PDE4A: variants seen among roughly 807,000 people sequenced by gnomAD.
The protein encoded by PDE4A is phosphodiesterase 4A.
PDE4A carries 21 observed loss-of-function variants against 73.9 expected under a neutral mutation model. The ratio of observed to expected loss-of-function variants is 0.28; its 90% confidence interval spans 0.20 to 0.41. The LOEUF (loss-of-function observed/expected upper bound fraction) is 0.41. PDE4A is among the 10% of genes least tolerant of loss of function. PDE4A has a pLI of 1.00. For missense variants in PDE4A, 958 were observed against 1,211.4 expected, an observed-to-expected ratio of 0.79 and a Z score of 3.10; for synonymous variants, 463 against 505.4, an observed-to-expected ratio of 0.92 and a Z score of 1.13.
At chr19:10,432,489 C>A in intron 1 of PDE4A, 1 of 1,512,274 alleles carries the variant, frequency 6.6e-7, no homozygotes, top group Non-Finnish European at 8.8e-7. Flanking sequence ...CCTGGCACTG[C>A]CCCCCACGGG....
At chr19:10,464,829 A>T (rs912050317) in intron 14 of PDE4A, among the ~76,000 whole-genome samples, 3 of 147,826 alleles carry the variant, frequency 2.0e-5, no homozygotes, top group Non-Finnish European at 3.0e-5. Flanking sequence ...ATGATCCTCC[A>T]CCCCCGCCTC....
chr19:10,434,193 C>A (rs1431106023), intron 1 of PDE4A, among the ~76,000 whole-genome samples: 1 of 150,780 alleles, frequency 6.6e-6, no homozygotes, highest in Non-Finnish European at 1.5e-5. Flanking sequence ...TTCCTTCTTT[C>A]CTTCTTTCTC....
intron 8 of PDE4A, 45 bp from the exon 9 acceptor site, chr19:10,459,355 C>T (rs201192417): frequency 1.2e-6 from 2 of 1,613,906 alleles, no homozygotes; most frequent in South Asian, 2.2e-5. Context: ...TCTCCAGGGC[C>T]CTGAGCCTTA....
At chr19:10,446,901 C>CTTTTTTTCTCTTTTTTTTTTT (rs1939804348) in intron 2 of PDE4A, among the ~76,000 whole-genome samples, 2 of 145,496 alleles carry the variant, frequency 1.4e-5, no homozygotes, top group African/African-American at 2.5e-5. Context: ...GCCTCAGTTC[C>CTTTTTTTCTCTTTTTTTTTTT]TTTTTTTTTT....
chr19:10,460,198 TAA>T (rs886564156), intron 10 of PDE4A, among the ~76,000 whole-genome samples: 2 of 142,728 alleles, frequency 1.4e-5, no homozygotes, highest in South Asian at 2.3e-4. Flanking sequence ...TCTTATTTCT[TAA>T]AAAAAAAAAA....
chr19:10,443,502 G>A (rs1379561533), intron 1 of PDE4A, among the ~76,000 whole-genome samples: 1 of 149,072 alleles, frequency 6.7e-6, no homozygotes, highest in Non-Finnish European at 1.5e-5. Flanking sequence ...CTGAGATTGT[G>A]CCATTGCACT....
chr19:10,458,645 G>T lies in PDE4A; in HGVS notation c.1101+543G>T, dbSNP rs534413731. Among the ~76,000 whole-genome samples the T allele has an allele frequency of 4.0e-4, 61 of 152,248 alleles. No individual in the cohort carries two copies. The highest frequency in any genetic ancestry group is 1.4e-3 in the African/African-American group (60 of 41,532). On this transcript the variant is annotated intron_variant, in intron 8 of 14. Transcript: ENST00000380702. The surrounding 1 kb of genome is among the most constrained non-coding windows in gnomAD (Gnocchi z 4.6). ...ATTTATTTATTTATTTTGAGATGGA[G>T]ACTCGCTCTGTTGCCCAGGTTGGAG... is the stretch of plus-strand genomic sequence containing the variant.
intron 6 of PDE4A, among the ~76,000 whole-genome samples, chr19:10,452,743 C>T (rs1020668068): frequency 6.6e-6 from 1 of 152,010 alleles, no homozygotes; most frequent in Non-Finnish European, 1.5e-5. Context: ...GTTTGTACAT[C>T]TGTGAGTGTA....
intron 10 of PDE4A, 123 bp downstream of exon 10, chr19:10,459,882 CTTT>C: frequency 9.4e-7 from 1 of 1,058,696 alleles, no homozygotes; most frequent in South Asian, 1.9e-5. Context: ...ATTTCTCTCT[CTTT>C]TTTTTTTCTT....
intron 4 of PDE4A, 89 bp from the exon 5 acceptor site, chr19:10,450,514 A>G: frequency 1.3e-6 from 2 of 1,491,362 alleles, no homozygotes; most frequent in Non-Finnish European, 1.8e-6. Flanking sequence ...CAGACAAATG[A>G]AAATTGGCAC....
upstream of PDE4A, chr19:10,420,378 G>GC (rs1206146270): frequency 1.2e-4 from 120 of 976,994 alleles, 1 homozygote; most frequent in African/African-American, 1.4e-3. This position sits in a 1 kb window ranked among gnomAD's most constrained non-coding sequence, Gnocchi z 6.0. Context: ...GGCGGGAAGG[G>GC]CCCCCCTCCT....
chr19:10,431,645 C>G (rs111740485), intron 1 of PDE4A, among the ~76,000 whole-genome samples: 3,648 of 152,328 alleles, frequency 0.024, 63 homozygotes, highest in Middle Eastern at 0.065. Flanking sequence ...TGGGCACTGG[C>G]TGGCCCTGGG....
chr19:10,433,394 C>A (rs2042821189), intron 1 of PDE4A, among the ~76,000 whole-genome samples: 1 of 152,082 alleles, frequency 6.6e-6, no homozygotes, highest in Admixed American at 6.6e-5. Flanking sequence ...AAAATACACA[C>A]CCAGGGCCCA....
rs1197488727 is a variant in PDE4A, at chr19:10,458,655, G to T, written c.1101+553G>T. On this transcript the variant is annotated intron_variant, in intron 8 of 14. Transcript: ENST00000380702. The surrounding 1 kb of genome is among the most constrained non-coding windows in gnomAD (Gnocchi z 4.6). ...TTATTTTGAGATGGAGACTCGCTCT[G>T]TTGCCCAGGTTGGAGTGCAGTAGTG... Among the ~76,000 whole-genome samples the T allele has an allele frequency of 6.6e-6, 1 of 152,122 alleles. No homozygotes were observed. Among genetic ancestry groups the T allele is most frequent in the African/African-American group, 2.4e-5 (1 of 41,416 alleles).
At chr19:10,461,813 C>T (rs142937157) in intron 12 of PDE4A, 64 bp from the exon 13 acceptor site, 2 of 1,586,264 alleles carry the variant, frequency 1.3e-6, no homozygotes, top group East Asian at 2.2e-5. Context: ...GTGAAAACTT[C>T]AGAGGCCCGG....
At chr19:10,464,678 A>G (rs1245367994) in intron 14 of PDE4A, among the ~76,000 whole-genome samples, 1 of 152,018 alleles carries the variant, frequency 6.6e-6, no homozygotes, top group Non-Finnish European at 1.5e-5. Flanking sequence ...AAGTGCTGGG[A>G]TATGGGGTGA....
upstream of PDE4A, chr19:10,419,173 C>A: frequency 1.3e-6 from 1 of 767,338 alleles, no homozygotes; most frequent in Non-Finnish European, 1.5e-6. Flanking sequence ...GGGCAGGGGT[C>A]TGGTCCCCGG....
At chr19:10,436,581 A>G (rs187415462) in intron 1 of PDE4A, among the ~76,000 whole-genome samples, 246 of 152,238 alleles carry the variant, frequency 1.6e-3, no homozygotes, top group African/African-American at 5.1e-3. Context: ...ACCAGGACCT[A>G]TATGTTAACT....
At chr19:10,446,787 T>G (rs1488301326) in intron 2 of PDE4A, among the ~76,000 whole-genome samples, 1 of 150,024 alleles carries the variant, frequency 6.7e-6, no homozygotes, top group Admixed American at 6.7e-5. Flanking sequence ...AGAGACAGGG[T>G]TTCACCATGT....
Sources: allele counts gnomAD v4.1 joint callset (sites outside exome capture counted in the v4.1 genomes callset), GRCh38; gene constraint gnomAD v4.1.1; non-coding constraint Gnocchi (gnomAD v3.1); transcripts MANE v1.5; gene names NCBI Gene and HGNC (gene_info 2026-07-23, HGNC 2026-07-21).